Variants in GALNTL6 observed in about 807,000 individuals in gnomAD.
The protein encoded by GALNTL6 is polypeptide N-acetylgalactosaminyltransferase like 6.
Under a neutral mutation model 73.7 loss-of-function variants are expected in GALNTL6, and 46 were observed. The ratio of observed to expected loss-of-function variants is 0.62; its 90% CI spans 0.49 to 0.80. The LOEUF is 0.80. Among genes scored for constraint, GALNTL6 ranks in the 30% least tolerant of loss-of-function variants. The pLI, the probability that GALNTL6 is intolerant of heterozygous loss-of-function variation, is 0.00. For missense variants in GALNTL6, 604 were observed against 755.0 expected (o/e 0.80, Z 2.34); for synonymous variants, 259 against 263.7 (o/e 0.98, Z 0.17).
Position 171,982,400 on chromosome 4 carries a change from T to C in GALNTL6, c.138+167682T>C, listed in dbSNP as rs559940655. Among the ~76,000 whole-genome samples, 1,217 of 152,056 alleles carry C rather than the reference T, an allele frequency of 8.0e-3. 10 individuals are homozygous for C. Among genetic ancestry groups the C allele is most frequent in the Non-Finnish European group, 0.012 (808 of 67,958 alleles). The stretch of plus-strand genomic sequence containing the variant: ...GCAAGCTCTGCCTCCTGGGTTCACG[T>C]CATTCTCCTGCTTCAGCCTCCCCAG... On this transcript the variant is annotated intron_variant, in intron 2 of 12. Transcript: ENST00000506823.
intron 10 of GALNTL6, among the ~76,000 whole-genome samples, chr4:172,958,515 G>A (rs537906463): frequency 6.6e-6 from 1 of 152,316 alleles, no homozygotes; most frequent in Non-Finnish European, 1.5e-5. Flanking sequence ...TAATGGTTTT[G>A]TTAGGATGGC....
chr4:172,034,429 T>C (rs1579076839), intron 2 of GALNTL6, among the ~76,000 whole-genome samples: 3 of 145,154 alleles, frequency 2.1e-5, no homozygotes, highest in South Asian at 2.1e-4. Context: ...TGTGTGTGTG[T>C]GTGTGTGTGT....
intron 5 of GALNTL6, among the ~76,000 whole-genome samples, chr4:172,713,273 G>T (rs1334048510): frequency 9.1e-6 from 1 of 109,684 alleles, no homozygotes. Context: ...TGTGTTTAGA[G>T]AGAAAGAGAA....
intron 2 of GALNTL6, among the ~76,000 whole-genome samples, chr4:171,990,710 A>G (rs1208114089): frequency 2.0e-5 from 3 of 152,238 alleles, no homozygotes; most frequent in African/African-American, 7.2e-5. Flanking sequence ...CAAGAAATGT[A>G]GTTCTTAGGA....
chr4:171,881,427 G>A (rs955509829), intron 2 of GALNTL6, among the ~76,000 whole-genome samples: 4 of 152,124 alleles, frequency 2.6e-5, no homozygotes, highest in African/African-American at 9.7e-5. Context: ...CATGGGGGCA[G>A]GGAGGCTAGG....
intron 5 of GALNTL6, among the ~76,000 whole-genome samples, chr4:172,462,318 T>C (rs891149803): frequency 6.6e-6 from 1 of 152,226 alleles, no homozygotes; most frequent in African/African-American, 2.4e-5. Flanking sequence ...TAGGTAATCC[T>C]GACTAATAGA....
chr4:172,239,667 G>A (rs565316507), intron 3 of GALNTL6, among the ~76,000 whole-genome samples: 2 of 152,100 alleles, frequency 1.3e-5, no homozygotes, highest in African/African-American at 4.8e-5. Context: ...TTTCCTCAAG[G>A]TGTGATGTTA....
chr4:172,890,764 A>G (rs1453218803), intron 8 of GALNTL6, among the ~76,000 whole-genome samples: 3 of 152,134 alleles, frequency 2.0e-5, no homozygotes, highest in African/African-American at 4.8e-5. Flanking sequence ...TTCTGCCTCA[A>G]TGACCTGTCT....
At chr4:172,531,772 C>T (rs1294211391) in intron 5 of GALNTL6, among the ~76,000 whole-genome samples, 1 of 152,140 alleles carries the variant, frequency 6.6e-6, no homozygotes, top group African/African-American at 2.4e-5. Flanking sequence ...CTTTCCATGC[C>T]TAGGCTCAGC....
rs574628753 is a variant in GALNTL6 at position 172,418,159 on chromosome 4, T to A, written c.553+69470T>A. 6.1e-4 allele frequency among the ~76,000 whole-genome samples: 93 copies of A among 152,360 alleles called. 2 individuals are homozygous for A. The South Asian group carries it at 0.019, about 31-fold the overall frequency. ...ATGCCAAATTGGGGTAGGTGATGTA[T>A]TTCATTTATTGGTTCTTTTATTGTT... On this transcript the variant is annotated intron_variant, in intron 5 of 12. Transcript: ENST00000506823.
At chr4:171,993,798 A>G (rs181734301) in intron 2 of GALNTL6, among the ~76,000 whole-genome samples, 45 of 151,748 alleles carry the variant, frequency 3.0e-4, no homozygotes, top group East Asian at 9.7e-4. Flanking sequence ...CATTATATAT[A>G]TATACATATA....
intron 5 of GALNTL6, among the ~76,000 whole-genome samples, chr4:172,388,809 G>A (rs1189735934): frequency 6.6e-6 from 1 of 152,046 alleles, no homozygotes; most frequent in Non-Finnish European, 1.5e-5. Flanking sequence ...TGTATTTAGT[G>A]TTAGCAACCT....
At chr4:172,997,738 A>G (rs961634690) in intron 10 of GALNTL6, among the ~76,000 whole-genome samples, 1 of 152,196 alleles carries the variant, frequency 6.6e-6, no homozygotes, top group Admixed American at 6.5e-5. Context: ...ACAGAGTGGC[A>G]TGACTATACT....
chr4:172,374,246 A>G (rs1742939985), intron 5 of GALNTL6, among the ~76,000 whole-genome samples: 1 of 152,136 alleles, frequency 6.6e-6, no homozygotes, highest in Non-Finnish European at 1.5e-5. Context: ...TCTTTGTCTG[A>G]GGGCCATGAC....
rs1487811836 is a variant in GALNTL6, at chr4:173,007,666, C to T, written c.1372-1512C>T. Among the ~76,000 whole-genome samples, 8 of 152,194 alleles carry T rather than the reference C, an allele frequency of 5.3e-5. No homozygotes were observed. In the South Asian group the frequency reaches 6.2e-4, roughly 12 times the overall value. ...TATAAAAATACCAAAATTAGCTTGG[C>T]GTGGTGGCACACGCCTGTAATCCCA... On this transcript the variant is annotated intron_variant, in intron 10 of 12. Coordinates refer to ENST00000506823, the MANE Select transcript of GALNTL6 (RefSeq NM_001034845.3).
intron 5 of GALNTL6, among the ~76,000 whole-genome samples, chr4:172,395,468 T>C (rs1484824792): frequency 1.3e-5 from 2 of 152,196 alleles, no homozygotes; most frequent in Non-Finnish European, 2.9e-5. Flanking sequence ...GTTGTTACCT[T>C]GTGACCTTTA....
intron 5 of GALNTL6, among the ~76,000 whole-genome samples, chr4:172,584,173 T>C (rs1579212521): frequency 1.3e-5 from 2 of 152,076 alleles, no homozygotes; most frequent in Admixed American, 1.3e-4. Flanking sequence ...GTGAAGGCTC[T>C]ATGGAAGCAC....
chr4:173,036,208 ATTC>A lies in GALNTL6; in HGVS notation c.1639-3722_1639-3720del, dbSNP rs200291466. Among the ~76,000 whole-genome samples the A allele has an allele frequency of 5.9e-5, 9 of 152,078 alleles. No individual in the cohort carries two copies. In the East Asian group the frequency reaches 1.7e-3, roughly 29 times the overall value. On this transcript the variant is annotated intron_variant, in intron 12 of 12. Coordinates refer to ENST00000506823, the MANE Select transcript of GALNTL6 (RefSeq NM_001034845.3). ...TCTCCGCCCCCTATGTGGTAGTTTC[ATTC>A]TTGGAATCACCTTCCTATATATAAT...
At chr4:172,751,805 T>C (rs950111089) in intron 5 of GALNTL6, among the ~76,000 whole-genome samples, 1 of 152,222 alleles carries the variant, frequency 6.6e-6, no homozygotes, top group Non-Finnish European at 1.5e-5. Flanking sequence ...GCAGCACCTC[T>C]AGTCTGAGCA....
Sources: allele counts gnomAD v4.1 joint callset (sites outside exome capture counted in the v4.1 genomes callset), GRCh38; gene constraint gnomAD v4.1.1; transcripts MANE v1.5; gene names NCBI Gene and HGNC (gene_info 2026-07-23, HGNC 2026-07-21).